The following HS3ST4 variants were observed in gnomAD, a reference collection of about 807,000 sequenced individuals.
HS3ST4 encodes heparan sulfate-glucosamine 3-sulfotransferase 4.
In HS3ST4, 17 loss-of-function variants were observed where a neutral mutation model predicts 29.2. The ratio of observed to expected loss-of-function variants is 0.58; its 90% CI spans 0.40 to 0.87. The LOEUF (loss-of-function observed/expected upper bound fraction) is 0.87. Ranked by LOEUF, HS3ST4 falls within the 40% of genes least tolerant of loss-of-function variation. HS3ST4 has a pLI of 0.00. For missense variants in HS3ST4, 627 were observed against 634.5 expected, an observed-to-expected ratio of 0.99 and a Z score of 0.13; for synonymous variants, 314 against 285.7, an observed-to-expected ratio of 1.10 and a Z score of -1.00.
chr16:25,705,242 C>T (rs1293022465), intron 1 of HS3ST4, among the ~76,000 whole-genome samples: 2 of 152,208 alleles, frequency 1.3e-5, no homozygotes, highest in Non-Finnish European at 2.9e-5. Flanking sequence ...ACACCATTCC[C>T]TCCAGGTTAA....
intron 1 of HS3ST4, among the ~76,000 whole-genome samples, chr16:25,720,489 G>C (rs1487605725): frequency 4.6e-5 from 7 of 152,210 alleles, no homozygotes; most frequent in Non-Finnish European, 5.9e-5. Flanking sequence ...CCCCAAGTTT[G>C]AGAGGTAATT....
intron 1 of HS3ST4, among the ~76,000 whole-genome samples, chr16:26,118,122 G>A (rs1184390184): frequency 6.6e-6 from 1 of 152,198 alleles, no homozygotes; most frequent in Non-Finnish European, 1.5e-5. Context: ...CTGGAGTGCA[G>A]TGGTGTGATC....
chr16:26,000,015 G>A (rs1385046029), intron 1 of HS3ST4, among the ~76,000 whole-genome samples: 1 of 150,602 alleles, frequency 6.6e-6, no homozygotes, highest in Non-Finnish European at 1.5e-5. Context: ...GTAGATAAAT[G>A]TGTACATGTT....
At chr16:25,775,653 G>T (rs1464512128) in intron 1 of HS3ST4, among the ~76,000 whole-genome samples, 1 of 152,132 alleles carries the variant, frequency 6.6e-6, no homozygotes, top group East Asian at 1.9e-4. Context: ...TTTTGTCTGT[G>T]CACGTGTTCT....
chr16:25,885,463 C>T (rs1967939439), intron 1 of HS3ST4, among the ~76,000 whole-genome samples: 1 of 152,114 alleles, frequency 6.6e-6, no homozygotes, highest in Non-Finnish European at 1.5e-5. Context: ...AGTTCTGCAA[C>T]TTTGGGATAC....
rs186886891 is a variant in HS3ST4, at chr16:25,904,194, A to G, written c.734+211043A>G. ...TGGATGGATGGATGGACGGATGGAC[A>G]GATGAATGGATGGATGGATGGACGG... On this transcript the variant is annotated intron_variant, in intron 1 of 1. Coordinates refer to ENST00000331351, the MANE Select transcript of HS3ST4 (RefSeq NM_006040.3). 3.5e-3 allele frequency among the ~76,000 whole-genome samples: 493 copies of G among 140,204 alleles called. 15 individuals carry two copies. The highest frequency in any genetic ancestry group is 9.7e-4 in the Non-Finnish European group (61 of 63,168). 92.0% of individuals were successfully genotyped at this position (140,204 alleles called of 152,430 possible).
intron 1 of HS3ST4, among the ~76,000 whole-genome samples, chr16:25,743,923 C>T (rs767457768): frequency 2.0e-5 from 3 of 152,186 alleles, no homozygotes; most frequent in Non-Finnish European, 4.4e-5. Flanking sequence ...TCATACATTT[C>T]CCATAGTCTT....
chr16:25,819,683 G>C (rs1032290665), intron 1 of HS3ST4, among the ~76,000 whole-genome samples: 1 of 151,998 alleles, frequency 6.6e-6, no homozygotes, highest in Non-Finnish European at 1.5e-5. Flanking sequence ...ATAGCGGGAG[G>C]GATATTTTCC....
intron 1 of HS3ST4, among the ~76,000 whole-genome samples, chr16:25,707,740 C>T (rs1298995854): frequency 6.6e-6 from 1 of 152,202 alleles, no homozygotes; most frequent in East Asian, 1.9e-4. Context: ...TTGCTAGCCT[C>T]CTTGCTGTAC....
At chr16:25,786,495 T>C (rs1403545210) in intron 1 of HS3ST4, among the ~76,000 whole-genome samples, 1 of 152,220 alleles carries the variant, frequency 6.6e-6, no homozygotes, top group Admixed American at 6.5e-5. Context: ...ATCACTATTG[T>C]TATTATTCTA....
chr16:25,842,724 C>T (rs886606109), intron 1 of HS3ST4, among the ~76,000 whole-genome samples: 7 of 152,120 alleles, frequency 4.6e-5, no homozygotes, highest in Non-Finnish European at 7.4e-5. Flanking sequence ...GCTTAGTACC[C>T]CTTTATAGGT....
intron 1 of HS3ST4, among the ~76,000 whole-genome samples, chr16:26,126,920 G>T (rs116287069): frequency 0.017 from 2,588 of 152,058 alleles, 68 homozygotes; most frequent in African/African-American, 0.058. Flanking sequence ...ATCTTTTTTA[G>T]TCCACAAAAT....
At chr16:25,811,083 C>T (rs1236584929) in intron 1 of HS3ST4, among the ~76,000 whole-genome samples, 3 of 152,098 alleles carry the variant, frequency 2.0e-5, no homozygotes, top group African/African-American at 7.2e-5. Context: ...GCTTAAAAAA[C>T]AACAAAAAAT....
At chr16:25,729,514 A>G (rs1197118774) in intron 1 of HS3ST4, among the ~76,000 whole-genome samples, 1 of 152,218 alleles carries the variant, frequency 6.6e-6, no homozygotes, top group Non-Finnish European at 1.5e-5. Context: ...CTGGGCAGGC[A>G]GAACAGCAAT....
intron 1 of HS3ST4, among the ~76,000 whole-genome samples, chr16:25,714,443 C>T (rs995079830): frequency 1.3e-5 from 2 of 152,214 alleles, no homozygotes; most frequent in African/African-American, 4.8e-5. Context: ...ACCATGCTGA[C>T]TCACCGCCTC....
At chr16:26,047,518 A>G (rs1467518737) in intron 1 of HS3ST4, among the ~76,000 whole-genome samples, 1 of 152,206 alleles carries the variant, frequency 6.6e-6, no homozygotes, top group Non-Finnish European at 1.5e-5. Context: ...TTTAATCCTT[A>G]AAACAACCTT....
intron 1 of HS3ST4, among the ~76,000 whole-genome samples, chr16:26,095,004 A>G (rs1898905649): frequency 6.6e-6 from 1 of 152,212 alleles, no homozygotes; most frequent in African/African-American, 2.4e-5. Context: ...AAAAAAGATC[A>G]AAAGAGACAA....
intron 1 of HS3ST4, among the ~76,000 whole-genome samples, chr16:25,768,913 G>A (rs1002468604): frequency 6.6e-6 from 1 of 152,112 alleles, no homozygotes; most frequent in African/African-American, 2.4e-5. Context: ...GTAGCAGTCC[G>A]TTTAAGCAGT....
intron 1 of HS3ST4, among the ~76,000 whole-genome samples, chr16:25,921,248 AG>A (rs1555472517): frequency 1.3e-5 from 2 of 152,216 alleles, no homozygotes; most frequent in Non-Finnish European, 2.9e-5. Context: ...CAAATTCCCA[AG>A]GTTGCCCAAA....
Sources: gnomAD v4.1 joint callset for allele counts (sites outside exome capture counted in the v4.1 genomes callset) on GRCh38, gnomAD v4.1.1 for gene constraint, MANE v1.5 for transcripts, NCBI Gene and HGNC (gene_info 2026-07-23, HGNC 2026-07-21) for gene names.